The following SIMC1 variants were observed in gnomAD, a reference collection of about 807,000 sequenced individuals.
SIMC1 encodes the protein SUMO-interacting motif-containing protein 1.
In SIMC1, 55 loss-of-function variants were observed where a neutral mutation model predicts 82.3. The ratio of observed to expected loss-of-function variants is 0.67; its 90% CI spans 0.54 to 0.84. The LOEUF is 0.84. Ranked by LOEUF, SIMC1 falls within the 40% of genes least tolerant of loss-of-function variation. The pLI is 0.00. For synonymous variants in SIMC1, 353 were observed against 426.3 expected, an observed-to-expected ratio of 0.83 and a Z score of 2.12; for missense variants, 915 against 1,107.2, an observed-to-expected ratio of 0.83 and a Z score of 2.46.
intron 1 of SIMC1, chr5:176,263,291 A>C: frequency 1.3e-6 from 1 of 786,646 alleles, no homozygotes; most frequent in Non-Finnish European, 1.9e-6. Flanking sequence ...ACTGATTGTA[A>C]AGTTTATATG....
At chr5:176,311,552 T>A (rs985147149) in intron 4 of SIMC1, among the ~76,000 whole-genome samples, 15 of 144,638 alleles carry the variant, frequency 1.0e-4, no homozygotes, top group Non-Finnish European at 1.8e-4. Flanking sequence ...CCACATTATT[T>A]AAAAAAAAAA....
chr5:176,271,485 C>G (rs1417299179), intron 1 of SIMC1, among the ~76,000 whole-genome samples: 2 of 152,060 alleles, frequency 1.3e-5, no homozygotes, highest in African/African-American at 2.4e-5. Flanking sequence ...GTTAGGCACA[C>G]AAAGACAAAC....
At position 176,277,389 on chromosome 5, in the gene SIMC1, T is replaced by G. The variant is rs1361969594; in HGVS notation, c.130-12265T>G. 1.8e-4 allele frequency among the ~76,000 whole-genome samples: 27 copies of G among 152,042 alleles called. No individual in the cohort carries two copies. In the East Asian group the frequency reaches 5.2e-3, roughly 29 times the overall value. Reference sequence around the variant, plus strand: ...GTGGGTTGCAAAAATTTTCTCCCATTTTGTAGGTTGCCTGTTCACTCTGAT... The same window carrying G: ...GTGGGTTGCAAAAATTTTCTCCCATGTTGTAGGTTGCCTGTTCACTCTGAT... On this transcript the variant is annotated intron_variant, in intron 1 of 9. Coordinates refer to ENST00000429602, the MANE Select transcript of SIMC1 (RefSeq NM_001308195.2).
chr5:176,251,328 C>G (rs1761643989), intron 1 of SIMC1, among the ~76,000 whole-genome samples: 1 of 152,116 alleles, frequency 6.6e-6, no homozygotes, highest in Admixed American at 6.5e-5. Context: ...CCACTGCACT[C>G]CAGCCTGGCG....
chr5:176,331,270 T>C (rs1461714375), intron 7 of SIMC1, among the ~76,000 whole-genome samples: 5 of 150,786 alleles, frequency 3.3e-5, no homozygotes, highest in Non-Finnish European at 7.4e-5. Flanking sequence ...CTCGGGAGGC[T>C]GAGGCAGGAG....
intron 5 of SIMC1, among the ~76,000 whole-genome samples, chr5:176,319,779 T>C (rs1211307826): frequency 6.6e-6 from 1 of 152,234 alleles, no homozygotes; most frequent in Non-Finnish European, 1.5e-5. Flanking sequence ...GTTTCTCTTC[T>C]ACATAATGTC....
intron 1 of SIMC1, among the ~76,000 whole-genome samples, chr5:176,272,193 AAAAAAG>A (rs1291301126): frequency 6.2e-5 from 9 of 144,070 alleles, no homozygotes; most frequent in South Asian, 2.2e-4. Flanking sequence ...AAAAAAAAAA[AAAAAAG>A]GTGGGCATGG....
intron 4 of SIMC1, chr5:176,308,473 G>T: frequency 6.2e-7 from 1 of 1,606,764 alleles, no homozygotes; most frequent in Non-Finnish European, 8.5e-7. Flanking sequence ...GTTGATGTTC[G>T]CACCCAAGCC....
intron 6 of SIMC1, chr5:176,322,662 A>G (rs1765217511): frequency 2.2e-6 from 1 of 461,138 alleles, no homozygotes; most frequent in Non-Finnish European, 3.8e-6. Context: ...CGAAGTCACA[A>G]CGCAGATGCA....
chr5:176,342,890 C>T (rs1766211830), intron 9 of SIMC1, among the ~76,000 whole-genome samples: 1 of 152,196 alleles, frequency 6.6e-6, no homozygotes, highest in African/African-American at 2.4e-5. Flanking sequence ...GAATATCAGT[C>T]CACAAGGACT....
At chr5:176,276,568 G>A (rs1762710626) in intron 1 of SIMC1, among the ~76,000 whole-genome samples, 2 of 147,328 alleles carry the variant, frequency 1.4e-5, no homozygotes, top group Admixed American at 1.3e-4. Flanking sequence ...TCTAGCATTA[G>A]GTATATCTCC....
Position 176,269,682 on chromosome 5 carries a change from C to T in SIMC1, c.130-19972C>T, listed in dbSNP as rs4045529. ...TTATTTTATTAAATCAGTTTTACTC[C>T]GATAACAAAAACAGAAAAATTACAA... On this transcript the variant is annotated intron_variant, in intron 1 of 9. Transcript: ENST00000429602. Among the ~76,000 whole-genome samples, 407 of 151,242 alleles carry T rather than the reference C, an allele frequency of 2.7e-3. 3 individuals carry two copies. Among genetic ancestry groups the T allele is most frequent in the African/African-American group, 8.9e-3 (366 of 40,988 alleles).
chr5:176,281,260 G>A (rs906422663), intron 1 of SIMC1, among the ~76,000 whole-genome samples: 5 of 152,208 alleles, frequency 3.3e-5, no homozygotes, highest in African/African-American at 1.2e-4. Context: ...CGTAGTTCTC[G>A]AGCCTTGGCT....
rs945171241 is a variant in SIMC1, at chr5:176,313,764, C to G, written c.1808C>G (p.Thr603Ser). ...ACCCTAGAAGATGACTTTCAGCAGA[C>G]CCTGAGGAGGCAACGGCAGCACCTG... is the stretch of plus-strand genomic sequence containing the variant. ...VQTLEDDFQQ[T>S]LRRQRQHLQQ... Residue 603 changes from threonine to serine, a missense_variant, in exon 5 of 10, where the codon ACC becomes AGC. Physicochemically the swap from Thr to Ser is moderately conservative, Grantham distance 58 (BLOSUM62 1). Around this residue, in one of 2 missense-constraint regions of SIMC1, gnomAD observed 902 missense variants for 1,040.3 expected, o/e 0.87. Coordinates refer to ENST00000429602, the MANE Select transcript of SIMC1 (RefSeq NM_001308195.2). 6.2e-7 allele frequency: 1 copy of G among 1,613,964 alleles called. No homozygotes were observed. Among genetic ancestry groups the G allele is most frequent in the Admixed American group, 1.7e-5 (1 of 60,016 alleles).
chr5:176,299,089 C>T, intron 4 of SIMC1, among the ~76,000 whole-genome samples: 1 of 152,226 alleles, frequency 6.6e-6, no homozygotes. Flanking sequence ...CACTTTATAT[C>T]TTTTCAAATA....
chr5:176,326,823 C>A (rs1765413682), intron 7 of SIMC1, among the ~76,000 whole-genome samples: 1 of 152,146 alleles, frequency 6.6e-6, no homozygotes, highest in Admixed American at 6.6e-5. Context: ...CCGCAGTCTC[C>A]CAAAGTGCTG....
chr5:176,313,642 A>AT lies in SIMC1; in HGVS notation c.1735-48dup, dbSNP rs770731098. On this transcript the variant is annotated intron_variant, in intron 4 of 9. Transcript: ENST00000429602. Reference sequence around the variant, plus strand: ...TTATGAGAGCCCAATGTTGACTGTCATCCAAGAGACTGAGAAGAAAGACTG... The same window carrying AT: ...TTATGAGAGCCCAATGTTGACTGTCATTCCAAGAGACTGAGAAGAAAGACTG... 3.1e-6 allele frequency: 5 copies of AT among 1,606,522 alleles called. No individual in the cohort carries two copies. In the African/African-American group the frequency reaches 6.7e-5, roughly 21 times the overall value.
chr5:176,284,606 T>C (rs928928370), intron 1 of SIMC1, among the ~76,000 whole-genome samples: 2 of 152,068 alleles, frequency 1.3e-5, no homozygotes, highest in Non-Finnish European at 2.9e-5. Flanking sequence ...AACATCACAA[T>C]TAAAAGAACT....
chr5:176,329,748 A>T (rs1765554198), intron 7 of SIMC1, among the ~76,000 whole-genome samples: 1 of 152,192 alleles, frequency 6.6e-6, no homozygotes, highest in African/African-American at 2.4e-5. Context: ...AAACGATTTT[A>T]TGTGTATTCT....
Sources: gnomAD v4.1 joint callset for allele counts (sites outside exome capture counted in the v4.1 genomes callset) on GRCh38, gnomAD v4.1.1 for gene constraint, gnomAD v4.1.1 regional missense constraint, MANE v1.5 for transcripts, NCBI Gene and HGNC (gene_info 2026-07-23, HGNC 2026-07-21) for gene names.